The following ARL15 variants were observed in gnomAD, a reference collection of about 807,000 sequenced individuals.
The protein encoded by ARL15 is ADP-ribosylation factor-like protein 15.
In ARL15, 19 loss-of-function variants were observed where a neutral mutation model predicts 25.2. The ratio of observed to expected loss-of-function variants is 0.75; its 90% CI spans 0.53 to 1.10. The LOEUF (loss-of-function observed/expected upper bound fraction) is 1.10. Ranked by LOEUF, ARL15 falls within the 50% of genes least tolerant of loss-of-function variation. The pLI is 0.00. For synonymous variants in ARL15, 94 were observed against 86.8 expected (o/e 1.08, Z -0.46); for missense variants, 220 against 246.0 (o/e 0.89, Z 0.71).
At position 54,232,586 on chromosome 5, in the gene ARL15, T is replaced by C. The variant is rs556796551; in HGVS notation, c.49-60658A>G. 7.9e-5 allele frequency among the ~76,000 whole-genome samples: 12 copies of C among 151,908 alleles called. No individual in the cohort carries two copies. In the South Asian group the frequency reaches 2.5e-3, roughly 32 times the overall value. On this transcript the variant is annotated intron_variant, in intron 1 of 4. Transcript: ENST00000504924. ...TGGGGGTAAAAATAGAACCAACAGG[T>C]AGAAATATGGGAGAAACAGGGCAGA...
At chr5:54,157,293 C>A (rs55665378) in intron 2 of ARL15, among the ~76,000 whole-genome samples, 92 of 152,364 alleles carry the variant, frequency 6.0e-4, no homozygotes, top group Middle Eastern at 6.8e-3. Context: ...AATTTATTAA[C>A]CCAACAGGCA....
chr5:54,009,006 T>TGA (rs1749141592), intron 4 of ARL15, among the ~76,000 whole-genome samples: 1 of 152,206 alleles, frequency 6.6e-6, no homozygotes, highest in Non-Finnish European at 1.5e-5. Context: ...GTTTTGAAAA[T>TGA]GAGCTGATCA....
At chr5:54,095,257 T>C (rs1752251657) in intron 4 of ARL15, among the ~76,000 whole-genome samples, 1 of 152,212 alleles carries the variant, frequency 6.6e-6, no homozygotes, top group Non-Finnish European at 1.5e-5. Context: ...AGGCCGCCTT[T>C]TAAACTCTGT....
At chr5:54,272,520 GGTCACCAT>G (rs1445368958) in intron 1 of ARL15, among the ~76,000 whole-genome samples, 2 of 151,976 alleles carry the variant, frequency 1.3e-5, no homozygotes, top group East Asian at 3.9e-4. Context: ...GAAAATCAAG[GGTCACCAT>G]GTCACTTAAG....
chr5:53,976,193 CA>C (rs1424051810), intron 4 of ARL15, among the ~76,000 whole-genome samples: 2 of 152,062 alleles, frequency 1.3e-5, no homozygotes, highest in Non-Finnish European at 2.9e-5. Context: ...GGTAGTGTAG[CA>C]GGGGTGATAG....
chr5:54,136,419 C>G (rs1753604467), intron 3 of ARL15, among the ~76,000 whole-genome samples: 1 of 152,130 alleles, frequency 6.6e-6, no homozygotes, highest in East Asian at 1.9e-4. Flanking sequence ...TGCATCTTGA[C>G]TAAATGTAAA....
chr5:53,927,569 C>T (rs950060498), intron 4 of ARL15, among the ~76,000 whole-genome samples: 4 of 152,172 alleles, frequency 2.6e-5, no homozygotes, highest in African/African-American at 9.7e-5. Flanking sequence ...TAATTTTTGG[C>T]ACTGTCCATA....
At chr5:54,091,171 A>G (rs984658284) in intron 4 of ARL15, among the ~76,000 whole-genome samples, 4 of 152,190 alleles carry the variant, frequency 2.6e-5, no homozygotes, top group African/African-American at 9.6e-5. Flanking sequence ...ACTTTTATGT[A>G]CTACCATCTA....
At chr5:54,109,512 T>G (rs551288405) in intron 4 of ARL15, among the ~76,000 whole-genome samples, 7 of 151,982 alleles carry the variant, frequency 4.6e-5, no homozygotes, top group African/African-American at 1.7e-4. Context: ...TCAGCAACTG[T>G]GTAGAAGGAA....
chr5:54,094,851 C>A (rs1752236888), intron 4 of ARL15, among the ~76,000 whole-genome samples: 1 of 152,128 alleles, frequency 6.6e-6, no homozygotes, highest in Non-Finnish European at 1.5e-5. Context: ...CTGTTCTAGG[C>A]ACCTATATAT....
intron 1 of ARL15, among the ~76,000 whole-genome samples, chr5:54,296,061 G>A (rs1191386513): frequency 6.6e-6 from 1 of 152,198 alleles, no homozygotes; most frequent in East Asian, 1.9e-4. Flanking sequence ...GAGGAGAGAT[G>A]TGGGCCACCC....
At chr5:53,975,860 C>T (rs1747902801) in intron 4 of ARL15, among the ~76,000 whole-genome samples, 1 of 152,084 alleles carries the variant, frequency 6.6e-6, no homozygotes, top group African/African-American at 2.4e-5. Context: ...GGGTCCCTGG[C>T]TCTGCCTACG....
At chr5:53,947,087 T>C (rs899659562) in intron 4 of ARL15, among the ~76,000 whole-genome samples, 1 of 151,776 alleles carries the variant, frequency 6.6e-6, no homozygotes, top group Non-Finnish European at 1.5e-5. Context: ...GGTGCTAACA[T>C]GAGGTTCGCT....
chr5:54,029,616 T>C (rs1749907644), intron 4 of ARL15, among the ~76,000 whole-genome samples: 1 of 152,094 alleles, frequency 6.6e-6, no homozygotes, highest in South Asian at 2.1e-4. Flanking sequence ...CTTAGAAGTT[T>C]GGGAGGCCAA....
At chr5:54,125,075 G>GTTTTTTTTTTTTTT (rs774608441) in intron 3 of ARL15, among the ~76,000 whole-genome samples, 18 of 134,950 alleles carry the variant, frequency 1.3e-4, no homozygotes, top group African/African-American at 1.8e-4. Flanking sequence ...TTTTTGTTTT[G>GTTTTTTTTTTTTTT]TTTTGTTTTG....
intron 1 of ARL15, among the ~76,000 whole-genome samples, chr5:54,238,723 A>G (rs897061086): frequency 1.3e-5 from 2 of 152,216 alleles, no homozygotes; most frequent in African/African-American, 4.8e-5. Flanking sequence ...ATCACTCGCA[A>G]AGGAAACAGA....
At chr5:53,929,844 C>T (rs911850729) in intron 4 of ARL15, among the ~76,000 whole-genome samples, 3 of 152,026 alleles carry the variant, frequency 2.0e-5, no homozygotes, top group Non-Finnish European at 4.4e-5. Flanking sequence ...TACAGGACAG[C>T]TGGGACTCTT....
At chr5:54,106,310 T>C (rs1752588542) in intron 4 of ARL15, among the ~76,000 whole-genome samples, 1 of 152,138 alleles carries the variant, frequency 6.6e-6, no homozygotes. Context: ...AGGATAAAAA[T>C]AGATGCATTG....
intron 1 of ARL15, among the ~76,000 whole-genome samples, chr5:54,222,933 C>T (rs1248131461): frequency 6.6e-6 from 1 of 151,810 alleles, no homozygotes; most frequent in Non-Finnish European, 1.5e-5. Context: ...GATTCTTCTG[C>T]CTCAGCCTCC....
Sources: allele counts gnomAD v4.1 joint callset (sites outside exome capture counted in the v4.1 genomes callset), GRCh38; gene constraint gnomAD v4.1.1; transcripts MANE v1.5; gene names NCBI Gene and HGNC (gene_info 2026-07-23, HGNC 2026-07-21).